The following ZBTB7B variants were observed in gnomAD, a reference collection of about 807,000 sequenced individuals.
ZBTB7B encodes zinc finger and BTB domain-containing protein 7B.
Under a neutral mutation model 31.0 loss-of-function variants are expected in ZBTB7B, and 8 were observed. That is an observed-to-expected ratio of 0.26 (90% CI 0.15 to 0.47). ZBTB7B has a LOEUF of 0.47. Among genes scored for constraint, ZBTB7B ranks in the 20% least tolerant of loss-of-function variants. The pLI, the probability that ZBTB7B is intolerant of heterozygous loss-of-function variation, is 0.99. For synonymous variants in ZBTB7B, 261 were observed against 307.3 expected, an observed-to-expected ratio of 0.85 and a Z score of 1.58; for missense variants, 494 against 742.4, an observed-to-expected ratio of 0.67 and a Z score of 3.89.
Position 155,017,122 on chromosome 1 carries a change from A to C in ZBTB7B, c.*437A>C, listed in dbSNP as rs1268669218. On this transcript the variant is annotated 3_prime_UTR_variant, in exon 3 of 3. Coordinates refer to ENST00000535420, the MANE Select transcript of ZBTB7B (RefSeq NM_001256455.2). Reference sequence around the variant, plus strand: ...GGTGAAGGACTGCCCCTCCCTTTCGAGACCCCTCCTTCCTGGTTTCTGTTC... The same window carrying C: ...GGTGAAGGACTGCCCCTCCCTTTCGCGACCCCTCCTTCCTGGTTTCTGTTC... The C allele has an allele frequency of 1.2e-5, 2 of 161,236 alleles. No homozygotes were observed. The highest frequency in any genetic ancestry group is 2.4e-5 in the African/African-American group (1 of 41,662). 10.0% of individuals were successfully genotyped at this position (161,236 alleles called of 1,614,324 possible). A position where few individuals can be genotyped will look rare whatever the true frequency, so the allele number is the denominator to read the frequency against.
At chr1:155,010,913 C>T (rs561030218) in intron 1 of ZBTB7B, 2 of 1,535,020 alleles carry the variant, frequency 1.3e-6, no homozygotes, top group South Asian at 2.4e-5. Flanking sequence ...TCATCCCTGG[C>T]AGGAAGATGT....
Position 155,004,869 on chromosome 1 carries a change from C to T in ZBTB7B, c.-7+1926C>T, listed in dbSNP as rs186155603. On this transcript the variant is annotated intron_variant, in intron 1 of 2. Transcript: ENST00000535420. This position sits in a 1 kb window ranked among gnomAD's most constrained non-coding sequence, Gnocchi z 4.0. ...GTACCACACACCCCCAGCCCTGGCACAGGGGTCAAAAAGGGGTTAATACCA... is the reference window on the plus strand; with the variant it reads ...GTACCACACACCCCCAGCCCTGGCATAGGGGTCAAAAAGGGGTTAATACCA... Among the ~76,000 whole-genome samples, 3 of 152,200 alleles carry T rather than the reference C, an allele frequency of 2.0e-5. No individual in the cohort carries two copies. The highest frequency in any genetic ancestry group is 7.2e-5 in the African/African-American group (3 of 41,520).
In ZBTB7B at chr1:155,018,467, C is replaced by T; in HGVS notation, c.*1782C>T. The T allele has an allele frequency of 7.0e-7, 1 of 1,430,118 alleles. No homozygotes were observed. The allele number at this position is 1,430,118 out of a possible 1,614,324, so 88.6% of individuals were successfully genotyped here. On this transcript the variant is annotated 3_prime_UTR_variant, in exon 3 of 3. Transcript: ENST00000535420. ...CCCTCCTATTCCCTTCCCCCCACCCCAACTCCCCCACCTCGGGTGTAAGCG... is the reference window on the plus strand; with the variant it reads ...CCCTCCTATTCCCTTCCCCCCACCCTAACTCCCCCACCTCGGGTGTAAGCG...
rs1351153744 is a variant in ZBTB7B, at chr1:155,017,361, G to T, written c.*676G>T. The T allele has an allele frequency of 6.6e-6, 1 of 152,448 alleles. No individual in the cohort carries two copies. The highest frequency in any genetic ancestry group is 1.5e-5 in the Non-Finnish European group (1 of 68,324). The allele number at this position is 152,448 out of a possible 1,614,324, so 9.4% of individuals were successfully genotyped here. A position where few individuals can be genotyped will look rare whatever the true frequency, so the allele number is the denominator to read the frequency against. ...TCGCCTGCCCCTGGGGGCAGTAGAG[G>T]GGCCCCGCCCAGCTAGGGGAGCCGC... is the stretch of plus-strand genomic sequence containing the variant. On this transcript the variant is annotated 3_prime_UTR_variant, in exon 3 of 3. Transcript: ENST00000535420.
At chr1:155,010,957 C>G in intron 1 of ZBTB7B, 3 of 1,535,910 alleles carry the variant, frequency 2.0e-6, no homozygotes, top group Non-Finnish European at 2.6e-6. Context: ...TCACCCCAAG[C>G]TGCTGCTCCT....
chr1:155,012,878 C>T (rs975743141), intron 1 of ZBTB7B, among the ~76,000 whole-genome samples: 6 of 148,226 alleles, frequency 4.0e-5, no homozygotes, highest in Non-Finnish European at 4.4e-5. Context: ...GCAGAGGGGA[C>T]ACTGACAAAA....
rs10709155 is a variant in ZBTB7B at position 155,003,357 on chromosome 1, A to AC, written c.-7+424dup. On this transcript the variant is annotated intron_variant, in intron 1 of 2. Transcript: ENST00000535420. This position sits in a 1 kb window ranked among gnomAD's most constrained non-coding sequence, Gnocchi z 5.8. The stretch of plus-strand genomic sequence containing the variant: ...ACGGACTCTAACTAGGACAACGCGC[A>AC]CCCCCCCCCCACCCCGCGCCCCCTG... 1.2e-3 allele frequency among the ~76,000 whole-genome samples: 179 copies of AC among 149,130 alleles called. 1 individual carries two copies. The highest frequency in any genetic ancestry group is 6.6e-4 in the African/African-American group (27 of 40,636).
intron 1 of ZBTB7B, among the ~76,000 whole-genome samples, chr1:155,006,023 G>A (rs1200546735): frequency 6.6e-6 from 1 of 152,152 alleles, no homozygotes; most frequent in Non-Finnish European, 1.5e-5. Flanking sequence ...CTTGGCTGGG[G>A]CCTGCCAGCA....
intron 1 of ZBTB7B, chr1:155,010,933 G>T (rs987997285): frequency 2.6e-6 from 4 of 1,535,782 alleles, no homozygotes; most frequent in Non-Finnish European, 3.5e-6. Context: ...TTACAGCCTG[G>T]TCCTCATCCT....
rs1010846208 is a variant in ZBTB7B at position 155,003,903 on chromosome 1, TG to T, written c.-7+967del. 6.9e-6 allele frequency among the ~76,000 whole-genome samples: 1 copy of T among 145,728 alleles called. No homozygotes were observed. The highest frequency in any genetic ancestry group is 2.5e-5 in the African/African-American group (1 of 39,824). On this transcript the variant is annotated intron_variant, in intron 1 of 2. Transcript: ENST00000535420. This position sits in a 1 kb window ranked among gnomAD's most constrained non-coding sequence, Gnocchi z 5.8. ...GGCCAGAGCGAGGTGGGGGCGGGAG[TG>T]GGGGGGCGGCGTGGGCAGCGGGTTG...
At chr1:155,014,539 C>CAATA in intron 1 of ZBTB7B, 116 bp from the exon 2 acceptor site, 2 of 879,562 alleles carry the variant, frequency 2.3e-6, no homozygotes, top group Non-Finnish European at 3.5e-6. Flanking sequence ...GTAAAGTACT[C>CAATA]AGAAGGGTGA....
rs1659221073 is a variant in ZBTB7B, at chr1:155,014,596, CTT to C, written c.-6-57_-6-56del. The C allele has an allele frequency of 8.5e-6, 13 of 1,526,738 alleles. No individual in the cohort carries two copies. In the East Asian group the frequency reaches 2.9e-4, roughly 35 times the overall value. 94.6% of individuals were successfully genotyped at this position (1,526,738 alleles called of 1,614,324 possible). ...ATAAGTATTGGCTAAAGTTGGTCCT[CTT>C]TCCCCAGACCCCTGTGGGCTGAGCG... On this transcript the variant is annotated intron_variant, in intron 1 of 2. Transcript: ENST00000535420.
In ZBTB7B at chr1:155,014,903, T is replaced by G. The variant is rs754000696; in HGVS notation, c.243T>G (p.Thr81=). Residue 81 remains threonine (T), a synonymous_variant, in exon 2 of 3, where the codon ACT becomes ACG. Coordinates refer to ENST00000535420, the MANE Select transcript of ZBTB7B (RefSeq NM_001256455.2). ...VMGAGGSGTA[T]GGAGAGVCEL... ...GGGCCGGGGGTAGCGGGACGGCCAC[T>G]GGGGGAGCAGGGGCCGGTGTGTGTG... 10 of 1,613,830 alleles carry G rather than the reference T, an allele frequency of 6.2e-6. No homozygotes were observed. The Admixed American group carries it at 1.7e-4, about 27-fold the overall frequency.
At chr1:155,007,778 G>A (rs1432904638) in intron 1 of ZBTB7B, among the ~76,000 whole-genome samples, 1 of 152,142 alleles carries the variant, frequency 6.6e-6, no homozygotes, top group Non-Finnish European at 1.5e-5. Flanking sequence ...ATCCTGGTGG[G>A]TAGGTGCCAA....
intron 1 of ZBTB7B, chr1:155,011,144 C>T (rs1366386545): frequency 5.7e-6 from 5 of 883,608 alleles, no homozygotes; most frequent in Non-Finnish European, 8.7e-6. Context: ...CCCTAATCCC[C>T]AGGGTGGGGG....
intron 1 of ZBTB7B, 35 bp from the exon 2 acceptor site, chr1:155,014,620 A>G (rs1457045582): frequency 6.3e-7 from 1 of 1,575,996 alleles, no homozygotes; most frequent in Non-Finnish European, 8.6e-7. Context: ...CTGTGGGCTG[A>G]GCGCTCTTAA....
chr1:155,001,871 G>A (rs1477760003), upstream of ZBTB7B, among the ~76,000 whole-genome samples: 1 of 151,936 alleles, frequency 6.6e-6, no homozygotes, highest in African/African-American at 2.4e-5. This position sits in a 1 kb window ranked among gnomAD's most constrained non-coding sequence, Gnocchi z 4.8. Context: ...TGGGGCGTAG[G>A]GGCCGGAGCC....
chr1:155,009,031 G>A lies in ZBTB7B; in HGVS notation c.-6-5624G>A, dbSNP rs575486559. On this transcript the variant is annotated intron_variant, in intron 1 of 2. Coordinates refer to ENST00000535420, the MANE Select transcript of ZBTB7B (RefSeq NM_001256455.2). The stretch of plus-strand genomic sequence containing the variant: ...GCTTGGGAGATCAGGCCCCAGGGGG[G>A]CTTGGAGGCCTAGAATTAGCCAAGG... Among the ~76,000 whole-genome samples, 13 of 152,374 alleles carry A rather than the reference G, an allele frequency of 8.5e-5. No homozygotes were observed. The South Asian group carries it at 2.7e-3, about 32-fold the overall frequency.
rs1162404847 is a variant in ZBTB7B, at chr1:155,016,608, C to A, written c.1543C>A (p.Pro515Thr). 2 of 1,612,678 alleles carry A rather than the reference C, an allele frequency of 1.2e-6. No individual in the cohort carries two copies. The highest frequency in any genetic ancestry group is 1.7e-6 in the Non-Finnish European group (2 of 1,179,178). The change falls in exon 3 of 3, where the codon CCA (proline) becomes ACA (threonine). Residue 515 changes from proline to threonine, a missense_variant. Physicochemically the swap from Pro to Thr is conservative, Grantham distance 38 (BLOSUM62 -1). Around this residue, in one of 5 missense-constraint regions of ZBTB7B, gnomAD observed 101 missense variants for 119.5 expected, o/e 0.85. Transcript: ENST00000535420. This position sits in a 1 kb window ranked among gnomAD's most constrained non-coding sequence, Gnocchi z 4.3. Reference protein sequence around the residue: ...SAPTGPPVSTPGPPDDDEEEG... With the variant: ...SAPTGPPVSTTGPPDDDEEEG... ...CCCCACTGGGCCCCCGGTCTCTACC[C>A]CAGGGCCCCCTGATGACGATGAGGA...
Sources: allele counts gnomAD v4.1 joint callset (sites outside exome capture counted in the v4.1 genomes callset), GRCh38; gene constraint gnomAD v4.1.1; regional missense constraint gnomAD v4.1.1; non-coding constraint Gnocchi (gnomAD v3.1); transcripts MANE v1.5; gene names NCBI Gene and HGNC (gene_info 2026-07-23, HGNC 2026-07-21).